MRPS18A: variants seen among roughly 807,000 people sequenced by gnomAD.
MRPS18A encodes the protein mitochondrial ribosomal protein S18A.
A neutral mutation model predicts 22.7 loss-of-function variants in MRPS18A; 20 were observed. The observed-to-expected ratio is 0.88, with a 90% CI of 0.62 to 1.28. The LOEUF (loss-of-function observed/expected upper bound fraction) is 1.28. Among genes scored for constraint, MRPS18A ranks in the 50% most tolerant of loss-of-function variants. MRPS18A has a pLI of 0.00. For synonymous variants in MRPS18A, 106 were observed against 99.1 expected, an observed-to-expected ratio of 1.07 and a Z score of -0.41; for missense variants, 294 against 262.6, an observed-to-expected ratio of 1.12 and a Z score of -0.83.
Position 43,675,561 on chromosome 6 carries a change from C to T in MRPS18A, c.309G>A (p.Lys103=). The T allele has an allele frequency of 6.2e-7, 1 of 1,614,078 alleles. No homozygotes were observed. The highest frequency in any genetic ancestry group is 8.5e-7 in the Non-Finnish European group (1 of 1,180,002). The part of the protein sequence containing the change: ...IRPHGGMLPR[K]ITGLCQEEHR... The stretch of plus-strand genomic sequence containing the variant: ...GTTCTTCCTGGCATAGGCCTGTGAT[C>T]TTTCGGGGCAGCATGCCTCCATGAG... Residue 103 remains lysine, a synonymous_variant, in exon 4 of 6, where the codon AAG becomes AAA. Coordinates refer to ENST00000372133, the MANE Select transcript of MRPS18A (RefSeq NM_018135.4).
chr6:43,676,710 C>T (rs968872938), intron 3 of MRPS18A, among the ~76,000 whole-genome samples: 1 of 152,232 alleles, frequency 6.6e-6, no homozygotes, highest in African/African-American at 2.4e-5. Flanking sequence ...GAAAACTCAC[C>T]ATTCCCCTCC....
At chr6:43,686,232 A>G (rs1774688894) in intron 1 of MRPS18A, among the ~76,000 whole-genome samples, 1 of 152,254 alleles carries the variant, frequency 6.6e-6, no homozygotes, top group Non-Finnish European at 1.5e-5. Flanking sequence ...CTCAACTTTG[A>G]ATTTCATAAG....
At chr6:43,686,329 C>G (rs1774695471) in intron 1 of MRPS18A, among the ~76,000 whole-genome samples, 1 of 151,452 alleles carries the variant, frequency 6.6e-6, no homozygotes, top group Admixed American at 6.6e-5. Flanking sequence ...AGCATGGGAA[C>G]AAATGAAACA....
Position 43,671,263 on chromosome 6 carries a change from T to G in MRPS18A, c.*499A>C. ...GGCAAGTGTGTCAGGCAGCCCACCT[T>G]GGCTCCCTGCAGCTCTCCCACAGTA... is the stretch of plus-strand genomic sequence containing the variant. On this transcript the variant is annotated 3_prime_UTR_variant, in exon 6 of 6. Coordinates refer to ENST00000372133, the MANE Select transcript of MRPS18A (RefSeq NM_018135.4). The G allele has an allele frequency of 2.0e-6, 1 of 501,268 alleles. No homozygotes were observed. Among genetic ancestry groups the G allele is most frequent in the East Asian group, 3.6e-5 (1 of 27,564 alleles). The allele number at this position is 501,268 out of a possible 1,614,324, so 31.1% of individuals were successfully genotyped here. A position where few individuals can be genotyped will look rare whatever the true frequency, so the allele number is the denominator to read the frequency against.
intron 1 of MRPS18A, among the ~76,000 whole-genome samples, chr6:43,687,286 G>A (rs1774760517): frequency 6.6e-6 from 1 of 152,178 alleles, no homozygotes; most frequent in Non-Finnish European, 1.5e-5. Context: ...CTCTGGGAGG[G>A]TACCCAGATG....
At position 43,678,529 on chromosome 6, in the gene MRPS18A, A is replaced by T; in HGVS notation, c.241T>A (p.Tyr81Asn). The change falls in exon 3 of 6, where the codon TAT becomes AAT. Residue 81 changes from tyrosine (Y) to asparagine (N), a missense_variant. By Grantham distance (143) the Tyr-to-Asn change is moderately radical. Coordinates refer to ENST00000372133, the MANE Select transcript of MRPS18A (RefSeq NM_018135.4). ...GTACCCAGACTCACGTCATAGTTAT[A>T]CTTGTGCTTCAGGTTCCAACGGCAG... ...PICRWNLKHKYNYDDVLLLSQ... is the reference protein window; with the variant it reads ...PICRWNLKHKNNYDDVLLLSQ... 6.2e-7 allele frequency: 1 copy of T among 1,610,904 alleles called. No homozygotes were observed. Among genetic ancestry groups the T allele is most frequent in the Non-Finnish European group, 8.5e-7 (1 of 1,177,140 alleles).
intron 3 of MRPS18A, among the ~76,000 whole-genome samples, chr6:43,676,514 A>G (rs1774062584): frequency 6.6e-6 from 1 of 152,164 alleles, no homozygotes; most frequent in Admixed American, 6.5e-5. Context: ...GGACCATCAC[A>G]TGCCCACCAG....
intron 1 of MRPS18A, 112 bp from the exon 2 acceptor site, chr6:43,681,232 T>C (rs1040455769): frequency 9.7e-6 from 10 of 1,026,626 alleles, no homozygotes; most frequent in Admixed American, 6.3e-5. Context: ...CCATCTGTAC[T>C]CTCTCATGGT....
chr6:43,675,232 ACTC>A lies in MRPS18A; in HGVS notation c.413_415del (p.Gly138del). ...GAGTTGGGGTTTGCTCTTCGGAACAACTCCTTCAGGAAGCCGAGGCCTGTGATT... is the reference window on the plus strand; with the variant it reads ...GAGTTGGGGTTTGCTCTTCGGAACAACTTCAGGAAGCCGAGGCCTGTGATT... On this transcript the variant is annotated inframe_deletion, in exon 5 of 6. Coordinates refer to ENST00000372133, the MANE Select transcript of MRPS18A (RefSeq NM_018135.4). The A allele has an allele frequency of 6.6e-7, 1 of 1,523,096 alleles. No homozygotes were observed. Among genetic ancestry groups the A allele is most frequent in the South Asian group, 1.3e-5 (1 of 75,656 alleles). The allele number at this position is 1,523,096 out of a possible 1,614,324, so 94.3% of individuals were successfully genotyped here. A position where few individuals can be genotyped will look rare whatever the true frequency, so the allele number is the denominator to read the frequency against.
chr6:43,679,720 G>C (rs1484829500), intron 2 of MRPS18A, among the ~76,000 whole-genome samples: 1 of 152,150 alleles, frequency 6.6e-6, no homozygotes, highest in Non-Finnish European at 1.5e-5. Flanking sequence ...AAAGGGGCTG[G>C]AAGTACTACT....
At chr6:43,674,741 G>C (rs1003470683) in intron 5 of MRPS18A, among the ~76,000 whole-genome samples, 2 of 152,172 alleles carry the variant, frequency 1.3e-5, no homozygotes, top group Admixed American at 1.3e-4. Flanking sequence ...TACAACTCTG[G>C]GGAGCACTAT....
chr6:43,683,871 C>T (rs910187058), intron 1 of MRPS18A, among the ~76,000 whole-genome samples: 1 of 152,160 alleles, frequency 6.6e-6, no homozygotes, highest in Non-Finnish European at 1.5e-5. Context: ...GGGAACTTGA[C>T]TATAATAAAG....
intron 4 of MRPS18A, 53 bp from the exon 5 acceptor site, chr6:43,675,324 G>A: frequency 6.4e-7 from 1 of 1,563,302 alleles, no homozygotes; most frequent in Non-Finnish European, 8.7e-7. Flanking sequence ...GCAGCTCTGA[G>A]GGGGCCAGAG....
chr6:43,683,412 C>T (rs768777302), intron 1 of MRPS18A, among the ~76,000 whole-genome samples: 6 of 152,074 alleles, frequency 3.9e-5, no homozygotes, highest in Non-Finnish European at 8.8e-5. Context: ...GATTTTAAGC[C>T]CCTCGAAAGA....
In MRPS18A at chr6:43,675,491, T is replaced by C. The variant is rs1400394182; in HGVS notation, c.376+3A>G. 6.2e-7 allele frequency: 1 copy of C among 1,614,190 alleles called. No homozygotes were observed. The highest frequency in any genetic ancestry group is 1.1e-5 in the South Asian group (1 of 91,082). On this transcript the variant is annotated splice_donor_region_variant and intron_variant, in intron 4 of 5. Coordinates refer to ENST00000372133, the MANE Select transcript of MRPS18A (RefSeq NM_018135.4). ...GCCCCTCTTGGTCCCCAGGGCCTTC[T>C]ACCTGCTCGGTGGGCCATCTTCACA...
intron 2 of MRPS18A, among the ~76,000 whole-genome samples, chr6:43,679,176 C>G (rs1231592086): frequency 6.6e-6 from 1 of 152,210 alleles, no homozygotes; most frequent in Non-Finnish European, 1.5e-5. Flanking sequence ...CAGGGGACAT[C>G]TGGCAATGTC....
chr6:43,686,645 C>T (rs1477868327), intron 1 of MRPS18A, among the ~76,000 whole-genome samples: 3 of 152,178 alleles, frequency 2.0e-5, no homozygotes, highest in African/African-American at 7.2e-5. Context: ...TTTCTGCTCC[C>T]TCTGACAACA....
intron 3 of MRPS18A, among the ~76,000 whole-genome samples, chr6:43,676,692 G>A (rs917036491): frequency 2.0e-5 from 3 of 152,204 alleles, no homozygotes; most frequent in Non-Finnish European, 4.4e-5. Context: ...ATGGCTTAAG[G>A]GGTTAAAGAA....
At position 43,675,497 on chromosome 6, in the gene MRPS18A, C is replaced by T; in HGVS notation, c.373G>A (p.Ala125Thr). ...IEECVKMAHRAGLLPNHRPRL... is the reference protein window; with the variant it reads ...IEECVKMAHRTGLLPNHRPRL... ...CTTGGTCCCCAGGGCCTTCTACCTG[C>T]TCGGTGGGCCATCTTCACACACTCC... The change falls in exon 4 of 6, where the codon GCA becomes ACA. Residue 125 changes from alanine (A) to threonine (T), a missense_variant. By Grantham distance (58) the Ala-to-Thr change is moderately conservative. Transcript: ENST00000372133. 1 of 1,614,206 alleles carries T rather than the reference C, an allele frequency of 6.2e-7. No individual in the cohort carries two copies. Among genetic ancestry groups the T allele is most frequent in the Non-Finnish European group, 8.5e-7 (1 of 1,180,036 alleles).
Sources: allele counts gnomAD v4.1 joint callset (sites outside exome capture counted in the v4.1 genomes callset), GRCh38; gene constraint gnomAD v4.1.1; transcripts MANE v1.5; gene names NCBI Gene and HGNC (gene_info 2026-07-23, HGNC 2026-07-21).